DERL1: variants seen among roughly 807,000 people sequenced by gnomAD.
DERL1 encodes derlin 1.
A neutral mutation model predicts 41.6 loss-of-function variants in DERL1; 24 were observed. The ratio of observed to expected loss-of-function variants is 0.58; its 90% confidence interval spans 0.42 to 0.81. The LOEUF (loss-of-function observed/expected upper bound fraction) is 0.81, where lower values mean the gene tolerates loss of function less well. Ranked by LOEUF, DERL1 falls within the 30% of genes least tolerant of loss-of-function variation. DERL1 has a pLI of 0.00. For synonymous variants in DERL1, 124 were observed against 112.5 expected, an observed-to-expected ratio of 1.10 and a Z score of -0.65; for missense variants, 260 against 314.3, an observed-to-expected ratio of 0.83 and a Z score of 1.31.
intron 1 of DERL1, among the ~76,000 whole-genome samples, chr8:123,040,976 GATATTT>G (rs573544624): frequency 4.6e-4 from 70 of 152,146 alleles, no homozygotes; most frequent in Admixed American, 2.4e-3. Flanking sequence ...CTGGACTGAA[GATATTT>G]ATATTTATAT....
intron 7 of DERL1, chr8:123,018,897 T>C: frequency 2.6e-6 from 1 of 383,400 alleles, no homozygotes; most frequent in Middle Eastern, 7.7e-4. Flanking sequence ...GCCTACTGTT[T>C]CGCACTCTGG....
Position 123,022,602 on chromosome 8 carries a change from G to A in DERL1, c.453+82C>T, listed in dbSNP as rs1474993995. 52 of 1,344,096 alleles carry A rather than the reference G, an allele frequency of 3.9e-5. No individual in the cohort carries two copies. The South Asian group carries it at 5.7e-4, about 15-fold the overall frequency. The allele number at this position is 1,344,096 out of a possible 1,614,324, so 83.3% of individuals were successfully genotyped here. ...TGCTCTGCAGTGACCCCTTCTGGAT[G>A]AGTCAGAAAGTACATCTCTGGACTG... On this transcript the variant is annotated intron_variant, in intron 5 of 7. Transcript: ENST00000259512.
intron 2 of DERL1, 122 bp from the exon 3 acceptor site, chr8:123,025,172 C>T (rs1812655717): frequency 9.9e-7 from 1 of 1,009,790 alleles, no homozygotes; most frequent in Non-Finnish European, 1.4e-6. Context: ...AAAAACCACT[C>T]CTCTCTAAAA....
chr8:123,015,145 A>G lies in DERL1; in HGVS notation c.*302T>C. The G allele has an allele frequency of 4.3e-6, 1 of 233,710 alleles. No homozygotes were observed. 14.5% of individuals were successfully genotyped at this position (233,710 alleles called of 1,614,324 possible). On this transcript the variant is annotated 3_prime_UTR_variant, in exon 8 of 8. Transcript: ENST00000259512. Reference sequence around the variant, plus strand: ...CCCAGCTCAATGCCAGCAGACTAGGACCCGCTAAAACCCATTATTCAGACG... The same window carrying G: ...CCCAGCTCAATGCCAGCAGACTAGGGCCCGCTAAAACCCATTATTCAGACG...
At chr8:123,035,014 G>A (rs956473219) in intron 1 of DERL1, among the ~76,000 whole-genome samples, 1 of 152,116 alleles carries the variant, frequency 6.6e-6, no homozygotes, top group African/African-American at 2.4e-5. Context: ...CAATCTTTTC[G>A]GAAACACCCG....
At chr8:123,018,820 A>C (rs1814676107) in intron 7 of DERL1, 3 of 251,012 alleles carry the variant, frequency 1.2e-5, no homozygotes, top group South Asian at 4.9e-5. Context: ...CTTGGGCAAA[A>C]TCATGGGTAA....
At chr8:123,020,983 A>G (rs532041808) in intron 6 of DERL1, among the ~76,000 whole-genome samples, 1 of 151,822 alleles carries the variant, frequency 6.6e-6, no homozygotes, top group South Asian at 2.1e-4. Context: ...AAAAAAAAAA[A>G]AGTTCTGTAT....
chr8:123,028,825 G>C (rs748903576), intron 2 of DERL1, among the ~76,000 whole-genome samples: 8 of 152,114 alleles, frequency 5.3e-5, no homozygotes, highest in Non-Finnish European at 1.0e-4. Flanking sequence ...CCAGCACTTT[G>C]GGAGGTCAAG....
chr8:123,027,957 G>T (rs1317407954), intron 2 of DERL1, among the ~76,000 whole-genome samples: 1 of 151,834 alleles, frequency 6.6e-6, no homozygotes, highest in Non-Finnish European at 1.5e-5. Context: ...AGCTACTCGG[G>T]AGCCTGAGGC....
At chr8:123,018,002 T>G (rs966885630) in intron 7 of DERL1, 1 of 152,224 alleles carries the variant, frequency 6.6e-6, no homozygotes, top group African/African-American at 2.4e-5. Flanking sequence ...ATATGGTATA[T>G]CTCTGTATAT....
At chr8:123,040,281 G>A (rs750610407) in intron 1 of DERL1, among the ~76,000 whole-genome samples, 2 of 152,190 alleles carry the variant, frequency 1.3e-5, no homozygotes, top group Non-Finnish European at 2.9e-5. Flanking sequence ...GTGAAGGACG[G>A]GCTATTTTAT....
intron 1 of DERL1, among the ~76,000 whole-genome samples, chr8:123,036,199 T>C (rs1281052936): frequency 1.3e-5 from 2 of 152,174 alleles, no homozygotes; most frequent in East Asian, 1.9e-4. Flanking sequence ...AGAATGTTCA[T>C]AGCAGCACCA....
chr8:123,034,501 T>C (rs1013578187), intron 1 of DERL1, among the ~76,000 whole-genome samples: 8 of 152,168 alleles, frequency 5.3e-5, no homozygotes, highest in African/African-American at 1.9e-4. Flanking sequence ...CTCAGCTTAT[T>C]TACACGCACT....
At position 123,025,041 on chromosome 8, in the gene DERL1, T is replaced by A; in HGVS notation, c.275A>T (p.Asp92Val). 1 of 1,613,392 alleles carries A rather than the reference T, an allele frequency of 6.2e-7. No homozygotes were observed. The highest frequency in any genetic ancestry group is 8.5e-7 in the Non-Finnish European group (1 of 1,179,750). Residue 92 changes from aspartate to valine, a missense_variant, in exon 3 of 8, where the codon GAT becomes GTT. By Grantham distance (152) the Asp-to-Val change is radical. Transcript: ENST00000259512. ...YSTRLETGAF[D>V]GRPADYLFML... ...GAATAAATAGTCTGCTGGCCTCCCA[T>A]CAAAAGCTCCTGGAAACAAAAACAA...
chr8:123,022,958 C>G lies in DERL1; in HGVS notation c.358-179G>C, dbSNP rs569768783. On this transcript the variant is annotated intron_variant, in intron 4 of 7. Coordinates refer to ENST00000259512, the MANE Select transcript of DERL1 (RefSeq NM_024295.6). ...ATCATACAATAAATATTACAAAATC[C>G]TATAATAAAATACAACAAAACTATA... Among the ~76,000 whole-genome samples, 6 of 152,172 alleles carry G rather than the reference C, an allele frequency of 3.9e-5. No individual in the cohort carries two copies. The East Asian group carries it at 1.2e-3, about 29-fold the overall frequency.
intron 2 of DERL1, among the ~76,000 whole-genome samples, chr8:123,026,193 A>T (rs571090822): frequency 6.3e-4 from 96 of 152,308 alleles, no homozygotes; most frequent in Non-Finnish European, 1.0e-3. Flanking sequence ...CTCCCTTGAT[A>T]CCTCAAAGCA....
At chr8:123,028,004 G>C (rs774032099) in intron 2 of DERL1, among the ~76,000 whole-genome samples, 1 of 148,758 alleles carries the variant, frequency 6.7e-6, no homozygotes, top group Non-Finnish European at 1.5e-5. Flanking sequence ...AGAGGTTGCA[G>C]TGAGCTGAGA....
In DERL1 at chr8:123,015,601, G is replaced by A. The variant is rs201874752; in HGVS notation, c.618-16C>T. ...CCAGCGGTACCTGGTGCAGAAAGAC[G>A]GGGACACAAACGGAGAGAAGAGAAC... On this transcript the variant is annotated splice_polypyrimidine_tract_variant and intron_variant, in intron 7 of 7. Coordinates refer to ENST00000259512, the MANE Select transcript of DERL1 (RefSeq NM_024295.6). The A allele has an allele frequency of 1.8e-5, 29 of 1,603,944 alleles. No homozygotes were observed. The highest frequency in any genetic ancestry group is 1.7e-4 in the Middle Eastern group (1 of 6,040).
At chr8:123,032,764 G>A (rs1025793484) in intron 1 of DERL1, among the ~76,000 whole-genome samples, 2 of 151,432 alleles carry the variant, frequency 1.3e-5, no homozygotes, top group Non-Finnish European at 2.9e-5. Flanking sequence ...TTCATTGAAC[G>A]TTTATACTCT....
Sources: allele counts gnomAD v4.1 joint callset (sites outside exome capture counted in the v4.1 genomes callset), GRCh38; gene constraint gnomAD v4.1.1; transcripts MANE v1.5; gene names NCBI Gene and HGNC (gene_info 2026-07-23, HGNC 2026-07-21).